Variants in SMPX observed in about 807,000 individuals in gnomAD.
SMPX encodes the protein small muscular protein.
In SMPX, 2 loss-of-function variants were observed where a neutral mutation model predicts 6.3. That is an observed-to-expected ratio of 0.32 (90% CI 0.13 to 0.99). SMPX has a LOEUF of 0.99. SMPX is among the 50% of genes least tolerant of loss of function. The probability of loss-of-function intolerance (pLI) is 0.49; values close to 1 mark genes in which losing one functional copy is unlikely to be tolerated. For missense variants in SMPX, 60 were observed against 66.8 expected, an observed-to-expected ratio of 0.90 and a Z score of 0.36; for synonymous variants, 32 against 24.7, an observed-to-expected ratio of 1.30 and a Z score of -0.88.
intron 2 of SMPX, among the ~76,000 whole-genome samples, chrX:21,749,751 A>G (rs965130087): frequency 8.9e-6 from 1 of 111,984 alleles, no homozygotes; most frequent in Admixed American, 9.5e-5. Flanking sequence ...TGAAACTATT[A>G]TTGTCATCCT....
intron 4 of SMPX, among the ~76,000 whole-genome samples, chrX:21,730,523 C>T (rs1569306296): frequency 8.9e-6 from 1 of 112,131 alleles, no homozygotes; most frequent in Non-Finnish European, 1.9e-5. Flanking sequence ...AAATACATCT[C>T]CCTAACCCTT....
intron 4 of SMPX, among the ~76,000 whole-genome samples, chrX:21,731,571 TATGTGTATATGTGTATATGTACACATTA>T (rs1242177631): frequency 2.1e-4 from 10 of 46,761 alleles, no homozygotes; most frequent in South Asian, 1.3e-3. Context: ...ATTATGTGTA[TATGTGTATATGTGTATATGTACACATTA>T]ATGTGTATAT....
At chrX:21,730,660 T>C (rs1432307597) in intron 4 of SMPX, among the ~76,000 whole-genome samples, 1 of 111,847 alleles carries the variant, frequency 8.9e-6, no homozygotes, top group Non-Finnish European at 1.9e-5. Flanking sequence ...GATCAACATA[T>C]TGTTAGCAAC....
intron 4 of SMPX, among the ~76,000 whole-genome samples, chrX:21,715,339 G>T (rs1045771726): frequency 2.7e-5 from 3 of 109,747 alleles, no homozygotes; most frequent in Admixed American, 9.6e-5. Context: ...CTGGTGGGGG[G>T]TTAAACCACC....
At chrX:21,756,152 T>C (rs1401015357) in intron 1 of SMPX, among the ~76,000 whole-genome samples, 1 of 112,508 alleles carries the variant, frequency 8.9e-6, no homozygotes, top group Non-Finnish European at 1.9e-5. Context: ...TCTGTGTGTG[T>C]ACAACTAAAG....
At chrX:21,746,018 AAAG>A (rs1390732983) in intron 2 of SMPX, among the ~76,000 whole-genome samples, 3 of 111,728 alleles carry the variant, frequency 2.7e-5, no homozygotes, top group Non-Finnish European at 5.6e-5. Flanking sequence ...ACAATAGTGA[AAAG>A]AGCCTAATGC....
intron 4 of SMPX, among the ~76,000 whole-genome samples, chrX:21,718,394 G>A (rs2092787673): frequency 8.9e-6 from 1 of 112,187 alleles, no homozygotes. Flanking sequence ...ATTAGCAAAG[G>A]CCCAGGGGCT....
At chrX:21,724,331 C>A (rs1458071867) in intron 4 of SMPX, among the ~76,000 whole-genome samples, 1 of 112,176 alleles carries the variant, frequency 8.9e-6, no homozygotes, top group African/African-American at 3.2e-5. Context: ...TGGATCAAAT[C>A]TGTCCTCTAC....
chrX:21,716,849 C>G (rs2092785712), intron 4 of SMPX, among the ~76,000 whole-genome samples: 1 of 111,671 alleles, frequency 9.0e-6, no homozygotes, highest in South Asian at 3.8e-4. Context: ...TAAAACGTCT[C>G]TAGGATGAGG....
At chrX:21,708,349 T>C (rs2092775138) in intron 4 of SMPX, among the ~76,000 whole-genome samples, 1 of 112,344 alleles carries the variant, frequency 8.9e-6, no homozygotes, top group African/African-American at 3.2e-5. Context: ...GTTCTGGCCA[T>C]TGAATCCAGA....
At chrX:21,743,299 A>G (rs1270722931) in intron 3 of SMPX, among the ~76,000 whole-genome samples, 1 of 111,695 alleles carries the variant, frequency 9.0e-6, no homozygotes, top group East Asian at 2.8e-4. Context: ...AGCTGTACTA[A>G]GTATTATTAC....
chrX:21,738,900 ATT>A (rs2092813384), intron 3 of SMPX, among the ~76,000 whole-genome samples: 1 of 109,965 alleles, frequency 9.1e-6, no homozygotes. Flanking sequence ...ACTCCCTCCC[ATT>A]TTTCCTTACA....
At chrX:21,723,930 T>C (rs1471890362) in intron 4 of SMPX, among the ~76,000 whole-genome samples, 1 of 111,999 alleles carries the variant, frequency 8.9e-6, no homozygotes, top group Non-Finnish European at 1.9e-5. Context: ...TTATCAGCTG[T>C]TTTGTCTTAT....
intron 1 of SMPX, among the ~76,000 whole-genome samples, chrX:21,757,071 G>A (rs1199597937): frequency 9.0e-6 from 1 of 111,621 alleles, no homozygotes; most frequent in Non-Finnish European, 1.9e-5. Flanking sequence ...CTAAAAATTT[G>A]TCAATAGTAA....
chrX:21,749,413 C>CT (rs747054281), intron 2 of SMPX, among the ~76,000 whole-genome samples: 2 of 111,819 alleles, frequency 1.8e-5, no homozygotes, highest in Non-Finnish European at 3.8e-5. Flanking sequence ...AGGTTGAGTT[C>CT]TTTAAAAGGG....
At chrX:21,748,352 C>T in intron 2 of SMPX, among the ~76,000 whole-genome samples, 1 of 111,942 alleles carries the variant, frequency 8.9e-6, no homozygotes, top group Non-Finnish European at 1.9e-5. Flanking sequence ...CTGTTCTCAA[C>T]ACTTTTTTGT....
At chrX:21,715,399 T>G (rs1293402500) in intron 4 of SMPX, among the ~76,000 whole-genome samples, 2 of 110,172 alleles carry the variant, frequency 1.8e-5, no homozygotes, top group East Asian at 5.7e-4. Context: ...TGGAGGGAGT[T>G]TTTTTAACCA....
chrX:21,713,109 A>G (rs1301085398), intron 4 of SMPX, among the ~76,000 whole-genome samples: 2 of 112,328 alleles, frequency 1.8e-5, no homozygotes, highest in Non-Finnish European at 3.8e-5. Context: ...TGGTCCAAAG[A>G]CTCAGTAGTC....
intron 3 of SMPX, among the ~76,000 whole-genome samples, chrX:21,741,303 CT>C (rs1730644758): frequency 8.9e-6 from 1 of 112,218 alleles, no homozygotes; most frequent in African/African-American, 3.2e-5. Flanking sequence ...GTTATGATCT[CT>C]ATACAGTAAT....
Sources: gnomAD v4.1 joint callset for allele counts (sites outside exome capture counted in the v4.1 genomes callset) on GRCh38, gnomAD v4.1.1 for gene constraint, MANE v1.5 for transcripts, NCBI Gene and HGNC (gene_info 2026-07-23, HGNC 2026-07-21) for gene names.